GALNT14: variants seen among roughly 807,000 people sequenced by gnomAD.
GALNT14 encodes the protein polypeptide N-acetylgalactosaminyltransferase 14, also known as UDP-GalNAc:polypeptide N-acetylgalactosaminyltransferase 14.
In GALNT14, 60 loss-of-function variants were observed where a neutral mutation model predicts 77.5. That is an observed-to-expected ratio of 0.77 (90% CI 0.63 to 0.96). The LOEUF (loss-of-function observed/expected upper bound fraction) is 0.96. Ranked by LOEUF, GALNT14 falls within the 40% of genes least tolerant of loss-of-function variation. The probability of loss-of-function intolerance (pLI) is 0.00; values close to 1 mark genes in which losing one functional copy is unlikely to be tolerated. For missense variants in GALNT14, 710 were observed against 731.0 expected (o/e 0.97, Z 0.33); for synonymous variants, 280 against 281.7 (o/e 0.99, Z 0.06).
intron 1 of GALNT14, among the ~76,000 whole-genome samples, chr2:31,082,383 C>T (rs1676199749): frequency 6.6e-6 from 1 of 152,214 alleles, no homozygotes; most frequent in Non-Finnish European, 1.5e-5. Context: ...AGGTCAGGAA[C>T]AAGGCTGGCC....
chr2:31,052,692 G>A (rs1186644629), intron 1 of GALNT14, among the ~76,000 whole-genome samples: 1 of 152,278 alleles, frequency 6.6e-6, no homozygotes, highest in South Asian at 2.1e-4. Flanking sequence ...GGACAGCACC[G>A]GCGGCAGGCG....
At chr2:31,099,403 A>G (rs1401983202) in intron 1 of GALNT14, among the ~76,000 whole-genome samples, 1 of 151,792 alleles carries the variant, frequency 6.6e-6, no homozygotes, top group Non-Finnish European at 1.5e-5. Context: ...TTTGCTACTT[A>G]GAAGATTTTT....
chr2:30,916,198 C>T (rs948167581), intron 13 of GALNT14, among the ~76,000 whole-genome samples: 13 of 152,192 alleles, frequency 8.5e-5, no homozygotes, highest in African/African-American at 2.9e-4. Context: ...TCACTTATGT[C>T]TTTAGATGAA....
chr2:31,020,616 C>T (rs1481751704), intron 1 of GALNT14, among the ~76,000 whole-genome samples: 1 of 152,182 alleles, frequency 6.6e-6, no homozygotes, highest in African/African-American at 2.4e-5. Flanking sequence ...TCATGCTTGG[C>T]CTGGGAATGG....
downstream of GALNT14, among the ~76,000 whole-genome samples, chr2:30,908,121 A>G: frequency 7.6e-6 from 1 of 132,012 alleles, no homozygotes; most frequent in Non-Finnish European, 1.6e-5. Context: ...ATGGGCAAAA[A>G]CTGGAAGCAT....
chr2:31,103,371 C>T (rs771399327), intron 1 of GALNT14, among the ~76,000 whole-genome samples: 4 of 152,006 alleles, frequency 2.6e-5, no homozygotes, highest in Non-Finnish European at 5.9e-5. Context: ...GTTCTTTCCA[C>T]AGAAGCATAG....
In GALNT14 at chr2:30,912,231, C is replaced by T. The variant is rs1180109339; in HGVS notation, c.1492G>A (p.Asp498Asn). ...VVLVLCKNGD[D>N]RQQWTKTGSH... ...ACCTGCTGAGCACTTACCTGTCGGT[C>T]ATCTCCATTCTTGCAAAGGACAAGA... The change falls in exon 14 of 15, where the codon GAC (aspartate) becomes AAC (asparagine). Residue 498 changes from aspartate to asparagine, a missense_variant. Coordinates refer to ENST00000349752, the MANE Select transcript of GALNT14 (RefSeq NM_024572.4). 3.1e-6 allele frequency: 5 copies of T among 1,613,994 alleles called. No individual in the cohort carries two copies. In the Admixed American group the frequency reaches 5.0e-5, roughly 16 times the overall value.
intron 1 of GALNT14, among the ~76,000 whole-genome samples, chr2:31,018,985 C>T (rs1364777994): frequency 1.3e-5 from 2 of 152,058 alleles, no homozygotes; most frequent in Non-Finnish European, 2.9e-5. Context: ...TGAAGGGGGC[C>T]GGTGATGGGG....
chr2:30,950,316 T>A (rs1666952782), intron 6 of GALNT14, among the ~76,000 whole-genome samples: 1 of 152,072 alleles, frequency 6.6e-6, no homozygotes, highest in South Asian at 2.1e-4. Context: ...GTTTCAAGTA[T>A]CATCATGTAA....
intron 8 of GALNT14, among the ~76,000 whole-genome samples, chr2:30,943,272 C>A (rs572373118): frequency 6.6e-6 from 1 of 152,256 alleles, no homozygotes; most frequent in Non-Finnish European, 1.5e-5. Flanking sequence ...CAGAGAAATG[C>A]CTGAAAAGGG....
chr2:31,098,802 T>C (rs1031288672), intron 1 of GALNT14, among the ~76,000 whole-genome samples: 3 of 152,164 alleles, frequency 2.0e-5, no homozygotes, highest in Non-Finnish European at 1.5e-5. Flanking sequence ...ATATGTATTA[T>C]ATACTGTAGT....
intron 13 of GALNT14, among the ~76,000 whole-genome samples, chr2:30,923,180 A>G (rs1253623337): frequency 6.8e-6 from 1 of 148,070 alleles, no homozygotes; most frequent in Admixed American, 7.0e-5. Flanking sequence ...CTCCTGCCTC[A>G]GCCCCCTGAG....
At chr2:31,094,482 T>G (rs1445799546) in intron 1 of GALNT14, among the ~76,000 whole-genome samples, 4 of 152,220 alleles carry the variant, frequency 2.6e-5, no homozygotes, top group Admixed American at 6.6e-5. Context: ...AGGCCATAAC[T>G]GTTTGTGTGA....
intron 1 of GALNT14, among the ~76,000 whole-genome samples, chr2:31,099,300 T>C (rs574292794): frequency 1.3e-5 from 2 of 151,194 alleles, no homozygotes; most frequent in African/African-American, 4.9e-5. Context: ...TTCTATTGGA[T>C]TGAAATTCAT....
intron 6 of GALNT14, among the ~76,000 whole-genome samples, chr2:30,946,923 C>A (rs920454577): frequency 2.0e-5 from 3 of 152,298 alleles, no homozygotes; most frequent in South Asian, 4.1e-4. Flanking sequence ...TTTCACTCAC[C>A]TTTCAAAGGT....
At chr2:31,049,079 G>C (rs1673672906) in intron 1 of GALNT14, among the ~76,000 whole-genome samples, 1 of 152,102 alleles carries the variant, frequency 6.6e-6, no homozygotes, top group South Asian at 2.1e-4. Flanking sequence ...GTCCCTCGAG[G>C]TCCCGTAACG....
intron 1 of GALNT14, among the ~76,000 whole-genome samples, chr2:31,014,418 G>A (rs78894218): frequency 0.023 from 3,434 of 152,212 alleles, 116 homozygotes; most frequent in African/African-American, 0.079. Flanking sequence ...TGGGCCCCCA[G>A]TTTCCAACCA....
At chr2:31,110,787 G>A (rs1296470522) in intron 1 of GALNT14, among the ~76,000 whole-genome samples, 1 of 152,158 alleles carries the variant, frequency 6.6e-6, no homozygotes, top group Non-Finnish European at 1.5e-5. Context: ...CTCTGAGTGG[G>A]AGAAACTGAC....
intron 1 of GALNT14, among the ~76,000 whole-genome samples, chr2:31,103,065 C>T (rs987708174): frequency 5.3e-5 from 8 of 151,998 alleles, no homozygotes; most frequent in Non-Finnish European, 1.0e-4. Context: ...TTGTGGTGTG[C>T]GATCCTTTCT....
Sources: gnomAD v4.1 joint callset for allele counts (sites outside exome capture counted in the v4.1 genomes callset) on GRCh38, gnomAD v4.1.1 for gene constraint, MANE v1.5 for transcripts, NCBI Gene and HGNC (gene_info 2026-07-23, HGNC 2026-07-21) for gene names.